SYT13: variants seen among roughly 807,000 people sequenced by gnomAD.
SYT13 encodes the protein synaptotagmin 13.
In SYT13, 21 loss-of-function variants were observed where a neutral mutation model predicts 38.6. That is an observed-to-expected ratio of 0.54 (90% CI 0.39 to 0.78). The LOEUF is 0.78. Ranked by LOEUF, SYT13 falls within the 30% of genes least tolerant of loss-of-function variation. The probability of loss-of-function intolerance (pLI) is 0.00; values close to 1 mark genes in which losing one functional copy is unlikely to be tolerated. For missense variants in SYT13, 495 were observed against 548.7 expected (o/e 0.90, Z 0.98); for synonymous variants, 241 against 237.6 (o/e 1.01, Z -0.13).
rs1854589286 is a variant in SYT13 at position 45,244,308 on chromosome 11, T to C, written c.1025A>G (p.Lys342Arg). The C allele has an allele frequency of 7.4e-6, 12 of 1,613,904 alleles. No homozygotes were observed. The highest frequency in any genetic ancestry group is 9.3e-6 in the Non-Finnish European group (11 of 1,180,016). The change falls in exon 6 of 6, where the codon AAG becomes AGG. Residue 342 changes from lysine (K) to arginine (R), a missense_variant. Physicochemically the swap from Lys to Arg is conservative, Grantham distance 26. Transcript: ENST00000020926. Reference protein sequence around the residue: ...TLKHQARKLKKKQTKRAKHKI... With the variant: ...TLKHQARKLKRKQTKRAKHKI... ...GTGCTTAGCTCGTTTAGTCTGCTTCTTCTTCAGCTTCCGAGCCTGGTGCTT... is the reference window on the plus strand; with the variant it reads ...GTGCTTAGCTCGTTTAGTCTGCTTCCTCTTCAGCTTCCGAGCCTGGTGCTT...
At chr11:45,268,168 C>T (rs1464625232) in intron 1 of SYT13, among the ~76,000 whole-genome samples, 1 of 152,138 alleles carries the variant, frequency 6.6e-6, no homozygotes, top group African/African-American at 2.4e-5. Flanking sequence ...GGAATACCAG[C>T]CAGCCCTAAC....
chr11:45,278,134 G>T, intron 1 of SYT13, among the ~76,000 whole-genome samples: 1 of 152,148 alleles, frequency 6.6e-6, no homozygotes, highest in Non-Finnish European at 1.5e-5. Context: ...TTGTGTGCAC[G>T]TGTGTTGATT....
Position 45,252,635 on chromosome 11 carries a change from G to A in SYT13, c.632C>T (p.Ala211Val). The stretch of plus-strand genomic sequence containing the variant: ...GGTGTGCAGCTGCCGCTTCTTTAGG[G>A]CTGTCTGAGCCTCCACAGAGCCGGT... ...NRTGSVEAQT[A>V]LKKRQLHTTW... The change falls in exon 4 of 6, where the codon GCC becomes GTC. Residue 211 changes from alanine (A) to valine (V), a missense_variant. Coordinates refer to ENST00000020926, the MANE Select transcript of SYT13 (RefSeq NM_020826.3). The surrounding 1 kb of genome is among the most constrained non-coding windows in gnomAD (Gnocchi z 4.3). 1 of 1,614,010 alleles carries A rather than the reference G, an allele frequency of 6.2e-7. No individual in the cohort carries two copies. The highest frequency in any genetic ancestry group is 8.5e-7 in the Non-Finnish European group (1 of 1,179,888).
In SYT13 at chr11:45,241,452, CA is replaced by C. The variant is rs1417716268; in HGVS notation, c.*2599del. 6.6e-6 allele frequency: 1 copy of C among 152,000 alleles called. No homozygotes were observed. The highest frequency in any genetic ancestry group is 1.5e-5 in the Non-Finnish European group (1 of 68,002). 9.4% of individuals were successfully genotyped at this position (152,000 alleles called of 1,614,324 possible). On this transcript the variant is annotated 3_prime_UTR_variant, in exon 6 of 6. Coordinates refer to ENST00000020926, the MANE Select transcript of SYT13 (RefSeq NM_020826.3). ...TTCTGTGGCGGAACCTGGCCCCCATCAGGGGCAACCTTTAATTTGGATTCTG... is the reference window on the plus strand; with the variant it reads ...TTCTGTGGCGGAACCTGGCCCCCATCGGGGCAACCTTTAATTTGGATTCTG...
chr11:45,244,813 T>C (rs947402007), intron 5 of SYT13, among the ~76,000 whole-genome samples: 1 of 152,158 alleles, frequency 6.6e-6, no homozygotes, highest in Non-Finnish European at 1.5e-5. Flanking sequence ...AATACCATGA[T>C]ATAGAAGGCT....
chr11:45,252,673 A>T lies in SYT13; in HGVS notation c.594T>A (p.Ser198Arg), dbSNP rs757898124. ...CCACAGAGCCGGTCCTATTGGCCAC[A>T]CTCCCTTGGACGTAGCAGTCACAGC... ...DGGCDCYVQG[S>R]VANRTGSVEA... The change falls in exon 4 of 6, where the codon AGT (serine) becomes AGA (arginine). Residue 198 changes from serine (S) to arginine (R), a missense_variant. By Grantham distance (110) the Ser-to-Arg change is moderately radical. Transcript: ENST00000020926. The surrounding 1 kb of genome is among the most constrained non-coding windows in gnomAD (Gnocchi z 4.3). 5 of 1,596,442 alleles carry T rather than the reference A, an allele frequency of 3.1e-6. No individual in the cohort carries two copies. Among genetic ancestry groups the T allele is most frequent in the Non-Finnish European group, 3.4e-6 (4 of 1,166,510 alleles).
chr11:45,284,912 AT>A (rs1855116027), intron 1 of SYT13, among the ~76,000 whole-genome samples: 1 of 152,168 alleles, frequency 6.6e-6, no homozygotes, highest in South Asian at 2.1e-4. Flanking sequence ...GACAGCAGCC[AT>A]TTCCTTTCCA....
At chr11:45,256,155 A>G (rs1390693445) in intron 1 of SYT13, among the ~76,000 whole-genome samples, 6 of 151,976 alleles carry the variant, frequency 3.9e-5, no homozygotes, top group Non-Finnish European at 8.8e-5. Flanking sequence ...GCCCATGGAT[A>G]TTGCCTGGAC....
chr11:45,263,318 G>C (rs1385018951), intron 1 of SYT13, among the ~76,000 whole-genome samples: 1 of 152,212 alleles, frequency 6.6e-6, no homozygotes, highest in Non-Finnish European at 1.5e-5. Flanking sequence ...TGTAGTTAAT[G>C]ATCTGTAAAC....
intron 5 of SYT13, among the ~76,000 whole-genome samples, chr11:45,246,173 T>C (rs1158183636): frequency 6.6e-6 from 1 of 152,152 alleles, no homozygotes; most frequent in Non-Finnish European, 1.5e-5. Context: ...GATCCAAGAG[T>C]AAATGGATGG....
chr11:45,276,212 G>T (rs977550966), intron 1 of SYT13, among the ~76,000 whole-genome samples: 3 of 152,148 alleles, frequency 2.0e-5, no homozygotes, highest in Non-Finnish European at 4.4e-5. Flanking sequence ...ACTGAATAAA[G>T]AATATGTGGC....
chr11:45,269,735 T>C (rs1345008853), intron 1 of SYT13, among the ~76,000 whole-genome samples: 1 of 152,234 alleles, frequency 6.6e-6, no homozygotes, highest in African/African-American at 2.4e-5. Context: ...ACCCCAAAGC[T>C]AGTGCTACTA....
Position 45,252,775 on chromosome 11 carries a change from G to C in SYT13, c.545-53C>G. 6.6e-7 allele frequency: 1 copy of C among 1,512,110 alleles called. No homozygotes were observed. Among genetic ancestry groups the C allele is most frequent in the Non-Finnish European group, 8.9e-7 (1 of 1,125,420 alleles). The allele number at this position is 1,512,110 out of a possible 1,614,324, so 93.7% of individuals were successfully genotyped here. A position where few individuals can be genotyped will look rare whatever the true frequency, so the allele number is the denominator to read the frequency against. On this transcript the variant is annotated intron_variant, in intron 3 of 5. Transcript: ENST00000020926. This position sits in a 1 kb window ranked among gnomAD's most constrained non-coding sequence, Gnocchi z 4.3. ...TGGGACTTTCTGAGGACAAGTGGAG[G>C]GGGCAGAAGCACGCCTTGCTTAGGG... is the stretch of plus-strand genomic sequence containing the variant.
chr11:45,245,336 G>A (rs1170449845), intron 5 of SYT13, among the ~76,000 whole-genome samples: 1 of 152,236 alleles, frequency 6.6e-6, no homozygotes, highest in Non-Finnish European at 1.5e-5. Flanking sequence ...ACCTCTGGGA[G>A]GTTAGTTTGT....
chr11:45,271,442 T>C (rs1365489477), intron 1 of SYT13, among the ~76,000 whole-genome samples: 2 of 151,888 alleles, frequency 1.3e-5, no homozygotes, highest in African/African-American at 4.8e-5. Context: ...GCATCTCAAA[T>C]TGGGAGGACA....
Position 45,243,723 on chromosome 11 carries a change from T to C in SYT13, c.*329A>G. ...ATGCTTGTTTTTCAAAAAGCCAAAT[T>C]CTTCTTTGCATCCATGATTCCCACA... On this transcript the variant is annotated 3_prime_UTR_variant, in exon 6 of 6. Transcript: ENST00000020926. 4.1e-6 allele frequency: 1 copy of C among 244,504 alleles called. No homozygotes were observed. The highest frequency in any genetic ancestry group is 7.8e-6 in the Non-Finnish European group (1 of 128,518). The allele number at this position is 244,504 out of a possible 1,614,324, so 15.1% of individuals were successfully genotyped here. A position where few individuals can be genotyped will look rare whatever the true frequency, so the allele number is the denominator to read the frequency against.
intron 1 of SYT13, among the ~76,000 whole-genome samples, chr11:45,271,710 C>T (rs918064896): frequency 3.3e-5 from 5 of 152,066 alleles, no homozygotes; most frequent in African/African-American, 7.2e-5. Context: ...GAGGGATGGA[C>T]GGATGTGGAG....
At chr11:45,272,845 G>T (rs893979886) in intron 1 of SYT13, among the ~76,000 whole-genome samples, 1 of 152,174 alleles carries the variant, frequency 6.6e-6, no homozygotes, top group Admixed American at 6.6e-5. Context: ...AAAGCATCAG[G>T]CTAGATGCTG....
chr11:45,257,772 C>G (rs1358144848), intron 1 of SYT13, among the ~76,000 whole-genome samples: 2 of 152,164 alleles, frequency 1.3e-5, no homozygotes, highest in African/African-American at 4.8e-5. Flanking sequence ...ATTGGACAAA[C>G]AGAGGGGATG....
Sources: gnomAD v4.1 joint callset for allele counts (sites outside exome capture counted in the v4.1 genomes callset) on GRCh38, gnomAD v4.1.1 for gene constraint, Gnocchi (gnomAD v3.1) non-coding constraint, MANE v1.5 for transcripts, NCBI Gene and HGNC (gene_info 2026-07-23, HGNC 2026-07-21) for gene names.